DAB1: variants seen among roughly 807,000 people sequenced by gnomAD.
The protein encoded by DAB1 is disabled homolog 1.
A neutral mutation model predicts 64.6 loss-of-function variants in DAB1; 15 were observed. That is an observed-to-expected ratio of 0.23 (90% CI 0.16 to 0.36). DAB1 has a LOEUF of 0.36. Among genes scored for constraint, DAB1 ranks in the 10% least tolerant of loss-of-function variants. DAB1 has a pLI of 1.00. For missense variants in DAB1, 596 were observed against 706.7 expected, an observed-to-expected ratio of 0.84 and a Z score of 1.78; for synonymous variants, 235 against 251.9, an observed-to-expected ratio of 0.93 and a Z score of 0.64.
At chr1:58,077,133 TA>T (rs200876056) in intron 5 of DAB1, among the ~76,000 whole-genome samples, 1,581 of 150,894 alleles carry the variant, frequency 0.01, 23 homozygotes, top group African/African-American at 0.028. Context: ...ATAATTATAA[TA>T]AAAAAAAACA....
At chr1:58,222,209 ACTGC>A (rs202235470) in intron 4 of DAB1, among the ~76,000 whole-genome samples, 2,718 of 152,240 alleles carry the variant, frequency 0.018, 32 homozygotes, top group Middle Eastern at 0.037. Flanking sequence ...ACCAATGCCC[ACTGC>A]AGATTCTGAC....
chr1:57,483,572 T>G (rs138205090), intron 7 of DAB1, among the ~76,000 whole-genome samples: 4 of 152,338 alleles, frequency 2.6e-5, no homozygotes, highest in African/African-American at 9.6e-5. Flanking sequence ...GAGAACAGAC[T>G]AATACATTTA....
chr1:57,080,004 AG>A (rs1322520682), intron 4 of DAB1, among the ~76,000 whole-genome samples: 1 of 152,204 alleles, frequency 6.6e-6, no homozygotes, highest in African/African-American at 2.4e-5. Context: ...CATCAAGTAC[AG>A]TGCCTGATGT....
At chr1:57,302,679 C>A (rs1055551318) in intron 1 of DAB1, among the ~76,000 whole-genome samples, 2 of 152,068 alleles carry the variant, frequency 1.3e-5, no homozygotes, top group African/African-American at 4.8e-5. Flanking sequence ...TCATACCTTA[C>A]TGCAGCCTCC....
At chr1:58,473,761 C>A in intron 3 of DAB1, 5 of 510,428 alleles carry the variant, frequency 9.8e-6, no homozygotes, top group Non-Finnish European at 1.7e-5. Context: ...GCCCTAATGA[C>A]CCCATCTCCA....
intron 5 of DAB1, among the ~76,000 whole-genome samples, chr1:57,948,645 G>A (rs1181822651): frequency 1.3e-5 from 2 of 152,190 alleles, no homozygotes; most frequent in Non-Finnish European, 2.9e-5. Context: ...CATTGATTCA[G>A]GTCCCCAGGC....
At chr1:58,213,975 G>A (rs971753967) in intron 4 of DAB1, among the ~76,000 whole-genome samples, 1 of 152,162 alleles carries the variant, frequency 6.6e-6, no homozygotes, top group African/African-American at 2.4e-5. Context: ...TCCTGCCTGA[G>A]TCTTGTGCCC....
At chr1:58,410,517 CT>C (rs1644658165) in intron 3 of DAB1, among the ~76,000 whole-genome samples, 1 of 152,196 alleles carries the variant, frequency 6.6e-6, no homozygotes, top group South Asian at 2.1e-4. Context: ...CTTCAAAACA[CT>C]CTAACATCCG....
intron 9 of DAB1, among the ~76,000 whole-genome samples, chr1:57,027,958 C>A (rs1217919335): frequency 6.6e-6 from 1 of 152,178 alleles, no homozygotes; most frequent in Non-Finnish European, 1.5e-5. Flanking sequence ...CAACTCTCAG[C>A]CTGCAGAGAG....
chr1:58,152,155 T>G (rs1365746377), intron 4 of DAB1, among the ~76,000 whole-genome samples: 2 of 152,144 alleles, frequency 1.3e-5, no homozygotes, highest in African/African-American at 4.8e-5. Flanking sequence ...TGTTACTCAG[T>G]GATGTCCTGA....
At chr1:57,508,437 T>C (rs968501358) in intron 7 of DAB1, among the ~76,000 whole-genome samples, 1 of 152,228 alleles carries the variant, frequency 6.6e-6, no homozygotes, top group South Asian at 2.1e-4. Context: ...AGGAAGCAGT[T>C]TGATCACTAC....
intron 2 of DAB1, among the ~76,000 whole-genome samples, chr1:57,162,549 G>A (rs968308676): frequency 1.1e-4 from 17 of 152,210 alleles, no homozygotes; most frequent in African/African-American, 3.1e-4. Flanking sequence ...CTATTTGCAC[G>A]TGCAACCTGC....
intron 3 of DAB1, among the ~76,000 whole-genome samples, chr1:58,391,418 G>A (rs1033448767): frequency 2.6e-5 from 4 of 152,332 alleles, no homozygotes; most frequent in African/African-American, 9.6e-5. Flanking sequence ...GGCAGAGGAG[G>A]AGGGAGAACA....
chr1:57,789,889 G>A (rs2101856430), intron 6 of DAB1, among the ~76,000 whole-genome samples: 1 of 152,284 alleles, frequency 6.6e-6, no homozygotes, highest in South Asian at 2.1e-4. Context: ...TCAACAAGAA[G>A]TTTTGCTGTG....
chr1:57,991,860 A>AC lies in DAB1; in HGVS notation n.388-107699_388-107698insG, dbSNP rs1557599922. Reference sequence around the variant, plus strand: ...GGCTCTGTCTCAAAAAAAAAAAAAAAAAAAAAAAAGGAGTAGGCCAGAGAA... The same window carrying AC: ...GGCTCTGTCTCAAAAAAAAAAAAAAACAAAAAAAAAGGAGTAGGCCAGAGAA... On this transcript the variant is annotated intron_variant and non_coding_transcript_variant, in intron 5 of 20. Coordinates refer to the DAB1 transcript ENST00000485760. Among the ~76,000 whole-genome samples, 103 of 150,528 alleles carry AC rather than the reference A, an allele frequency of 6.8e-4. 1 individual carries two copies. The highest frequency in any genetic ancestry group is 2.2e-3 in the African/African-American group (92 of 41,136).
intron 5 of DAB1, among the ~76,000 whole-genome samples, chr1:58,049,839 C>T (rs1053806628): frequency 6.6e-6 from 1 of 151,952 alleles, no homozygotes; most frequent in Non-Finnish European, 1.5e-5. Context: ...CACACACACA[C>T]AGCAGTGAAC....
chr1:58,200,721 T>G (rs1386913549), intron 4 of DAB1, among the ~76,000 whole-genome samples: 1 of 152,216 alleles, frequency 6.6e-6, no homozygotes, highest in African/African-American at 2.4e-5. Flanking sequence ...AAGTGGCAGG[T>G]TCTTCAGTGG....
chr1:58,074,543 TACACAC>T (rs1553157877), intron 5 of DAB1: 5 of 95,884 alleles, frequency 5.2e-5, no homozygotes, highest in African/African-American at 2.1e-4. Context: ...TATATATATA[TACACAC>T]ATATATATAT....
chr1:57,010,251 C>T (rs1305037621), intron 14 of DAB1, among the ~76,000 whole-genome samples: 1 of 152,110 alleles, frequency 6.6e-6, no homozygotes, highest in Non-Finnish European at 1.5e-5. Flanking sequence ...ATGTGTCCAT[C>T]TCAAAATGTT....
Sources: gnomAD v4.1 joint callset for allele counts (sites outside exome capture counted in the v4.1 genomes callset) on GRCh38, gnomAD v4.1.1 for gene constraint, MANE v1.5 for transcripts, NCBI Gene and HGNC (gene_info 2026-07-23, HGNC 2026-07-21) for gene names.